ATRNL1: variants seen among roughly 807,000 people sequenced by gnomAD.
ATRNL1 encodes attractin like 1, also known as attractin-like protein 1.
A neutral mutation model predicts 182.7 loss-of-function variants in ATRNL1; 95 were observed. The observed-to-expected ratio is 0.52, with a 90% CI of 0.44 to 0.62. The LOEUF is 0.62. Among genes scored for constraint, ATRNL1 ranks in the 20% least tolerant of loss-of-function variants. The probability of loss-of-function intolerance (pLI) is 0.00; values close to 1 mark genes in which losing one functional copy is unlikely to be tolerated. For missense variants in ATRNL1, 1,471 were observed against 1,679.5 expected (o/e 0.88, Z 2.17); for synonymous variants, 576 against 568.3 (o/e 1.01, Z -0.19).
intron 20 of ATRNL1, among the ~76,000 whole-genome samples, chr10:115,416,321 A>G (rs191581429): frequency 2.0e-5 from 3 of 152,252 alleles, no homozygotes; most frequent in Admixed American, 6.5e-5. Flanking sequence ...TAAATGACAC[A>G]TGGAATTAAA....
At chr10:115,521,792 A>T (rs1037373647) in intron 25 of ATRNL1, among the ~76,000 whole-genome samples, 1 of 152,194 alleles carries the variant, frequency 6.6e-6, no homozygotes, top group Non-Finnish European at 1.5e-5. Context: ...TGTAAATTAG[A>T]TCACTTAAAA....
intron 18 of ATRNL1, among the ~76,000 whole-genome samples, chr10:115,319,447 A>T (rs1554930699): frequency 6.6e-6 from 1 of 152,042 alleles, no homozygotes; most frequent in African/African-American, 2.4e-5. Flanking sequence ...ATCCTTGTTA[A>T]TTTTTTGTCT....
chr10:115,167,874 G>A (rs782601345), intron 7 of ATRNL1, among the ~76,000 whole-genome samples: 8 of 152,022 alleles, frequency 5.3e-5, no homozygotes, highest in Non-Finnish European at 1.2e-4. Context: ...TATATTCAGA[G>A]TTGTGCAACC....
chr10:115,151,156 A>G (rs528318222), intron 5 of ATRNL1, among the ~76,000 whole-genome samples: 1 of 152,158 alleles, frequency 6.6e-6, no homozygotes, highest in Non-Finnish European at 1.5e-5. Flanking sequence ...AGTCTTTGCT[A>G]TTGTGAATAG....
At chr10:115,342,637 GT>G (rs1386832301) in intron 19 of ATRNL1, among the ~76,000 whole-genome samples, 3 of 152,078 alleles carry the variant, frequency 2.0e-5, no homozygotes, top group Non-Finnish European at 4.4e-5. Context: ...CACAGTTACA[GT>G]GTTATAATAT....
chr10:115,110,309 A>C (rs1184580382), intron 1 of ATRNL1, among the ~76,000 whole-genome samples: 1 of 152,186 alleles, frequency 6.6e-6, no homozygotes, highest in Non-Finnish European at 1.5e-5. Context: ...GGGTGCTAGC[A>C]GAAGAGGAAG....
At chr10:115,624,750 G>A (rs1231879837) in intron 26 of ATRNL1, among the ~76,000 whole-genome samples, 1 of 152,128 alleles carries the variant, frequency 6.6e-6, no homozygotes, top group African/African-American at 2.4e-5. Flanking sequence ...ACTGTATGGA[G>A]TATACGATAC....
At chr10:115,224,259 A>G (rs1849609375) in intron 9 of ATRNL1, among the ~76,000 whole-genome samples, 1 of 151,786 alleles carries the variant, frequency 6.6e-6, no homozygotes, top group African/African-American at 2.4e-5. Flanking sequence ...TAATTTTCAT[A>G]CTGAAAATTT....
chr10:115,619,012 G>T (rs1857580049), intron 26 of ATRNL1, among the ~76,000 whole-genome samples: 2 of 152,172 alleles, frequency 1.3e-5, no homozygotes, highest in South Asian at 4.1e-4. Context: ...AGTGTCAGTT[G>T]AATAGGATAC....
rs995734712 is a variant in ATRNL1, at chr10:115,333,416, T to C, written c.3038-866T>C. On this transcript the variant is annotated intron_variant, in intron 18 of 28. Transcript: ENST00000355044. The stretch of plus-strand genomic sequence containing the variant: ...CTGTTTAGTTCAAACTTAAATAGAC[T>C]TTCAGTTAAATCTTGAAGTTTTTCT... Among the ~76,000 whole-genome samples, 7 of 152,306 alleles carry C rather than the reference T, an allele frequency of 4.6e-5. No homozygotes were observed. In the South Asian group the frequency reaches 1.4e-3, roughly 32 times the overall value.
intron 8 of ATRNL1, among the ~76,000 whole-genome samples, chr10:115,209,366 AG>A (rs1848929790): frequency 6.8e-6 from 1 of 147,812 alleles, no homozygotes; most frequent in Non-Finnish European, 1.5e-5. Context: ...ATGCTGTCAC[AG>A]GATCACAGTG....
chr10:115,399,730 C>T (rs1844469741), intron 20 of ATRNL1, among the ~76,000 whole-genome samples: 1 of 151,750 alleles, frequency 6.6e-6, no homozygotes, highest in Admixed American at 6.6e-5. Flanking sequence ...TTTGTTTGCT[C>T]TTGGTTCTGT....
intron 27 of ATRNL1, among the ~76,000 whole-genome samples, chr10:115,776,657 G>A (rs1555078015): frequency 6.6e-6 from 1 of 150,880 alleles, no homozygotes; most frequent in Non-Finnish European, 1.5e-5. Flanking sequence ...AGACCTGTGT[G>A]CAAAGGAACC....
intron 21 of ATRNL1, among the ~76,000 whole-genome samples, chr10:115,450,207 C>G (rs1478852179): frequency 2.0e-5 from 3 of 152,138 alleles, no homozygotes; most frequent in African/African-American, 7.2e-5. Context: ...AATCATTCCC[C>G]TTGAAAACTG....
chr10:115,147,789 A>T (rs1359118394), intron 5 of ATRNL1, among the ~76,000 whole-genome samples: 3 of 151,756 alleles, frequency 2.0e-5, no homozygotes, highest in African/African-American at 7.3e-5. Context: ...ATGTAGGTTT[A>T]TTCTTTCACT....
At chr10:115,667,990 C>G (rs781850778) in intron 26 of ATRNL1, among the ~76,000 whole-genome samples, 3 of 151,958 alleles carry the variant, frequency 2.0e-5, no homozygotes, top group Non-Finnish European at 1.5e-5. Flanking sequence ...TCAGCCAAAG[C>G]AAGTCATGAA....
chr10:115,824,904 G>C (rs926261274), intron 27 of ATRNL1, among the ~76,000 whole-genome samples: 24 of 152,120 alleles, frequency 1.6e-4, no homozygotes, highest in African/African-American at 5.3e-4. Flanking sequence ...ATTCCCAAAG[G>C]AGTTTAAATC....
intron 27 of ATRNL1, among the ~76,000 whole-genome samples, chr10:115,783,809 T>C (rs1949328925): frequency 6.6e-6 from 1 of 152,012 alleles, no homozygotes; most frequent in Non-Finnish European, 1.5e-5. Context: ...GGTCAAGAGA[T>C]TGAGACCATC....
chr10:115,515,550 A>T (rs781991676), intron 24 of ATRNL1, among the ~76,000 whole-genome samples: 12 of 151,868 alleles, frequency 7.9e-5, no homozygotes, highest in Admixed American at 3.9e-4. Context: ...TACCATTTAG[A>T]TTTTTAAAAT....
Sources: allele counts gnomAD v4.1 joint callset (sites outside exome capture counted in the v4.1 genomes callset), GRCh38; gene constraint gnomAD v4.1.1; transcripts MANE v1.5; gene names NCBI Gene and HGNC (gene_info 2026-07-23, HGNC 2026-07-21).